Variants in OLFM3 observed in about 807,000 individuals in gnomAD.
OLFM3 encodes the protein olfactomedin 3.
Under a neutral mutation model 48.6 loss-of-function variants are expected in OLFM3, and 20 were observed. That is an observed-to-expected ratio of 0.41 (90% CI 0.29 to 0.60). OLFM3 has a LOEUF of 0.60. Ranked by LOEUF, OLFM3 falls within the 20% of genes least tolerant of loss-of-function variation. The pLI is 0.28. For synonymous variants in OLFM3, 222 were observed against 198.1 expected, an observed-to-expected ratio of 1.12 and a Z score of -1.01; for missense variants, 437 against 544.3, an observed-to-expected ratio of 0.80 and a Z score of 1.96.
At chr1:101,909,325 G>A (rs1658666951) in intron 1 of OLFM3, among the ~76,000 whole-genome samples, 2 of 152,212 alleles carry the variant, frequency 1.3e-5, no homozygotes, top group Admixed American at 6.5e-5. Context: ...ATTCACATGA[G>A]CAAAAACTCT....
chr1:101,902,482 A>C (rs552176598), intron 1 of OLFM3, among the ~76,000 whole-genome samples: 4 of 152,150 alleles, frequency 2.6e-5, no homozygotes, highest in African/African-American at 9.6e-5. Context: ...GGAACTAAGT[A>C]GTAGAGAGGG....
At chr1:101,832,305 T>C (rs1570536646) in intron 2 of OLFM3, among the ~76,000 whole-genome samples, 1 of 152,242 alleles carries the variant, frequency 6.6e-6, no homozygotes, top group Middle Eastern at 3.2e-3. Context: ...CACAAATTTT[T>C]GTCATCAGAT....
chr1:101,937,906 T>G (rs563983378), intron 1 of OLFM3, among the ~76,000 whole-genome samples: 21 of 152,304 alleles, frequency 1.4e-4, no homozygotes, highest in South Asian at 1.0e-3. Context: ...CTTGTTTACT[T>G]CCATATTGGT....
At chr1:101,828,046 G>GTCTCTCTCTC (rs1557691398) in intron 3 of OLFM3, among the ~76,000 whole-genome samples, 18 of 129,964 alleles carry the variant, frequency 1.4e-4, no homozygotes, top group African/African-American at 5.6e-4. Context: ...CTGTCTGTCT[G>GTCTCTCTCTC]TCTGTCTCTC....
At chr1:101,965,886 AT>A (rs1443020850) in intron 1 of OLFM3, among the ~76,000 whole-genome samples, 2 of 152,190 alleles carry the variant, frequency 1.3e-5, no homozygotes, top group African/African-American at 4.8e-5. Context: ...TTTTGGTTAT[AT>A]TTGGTAAATG....
At position 101,842,709 on chromosome 1, in the gene OLFM3, C is replaced by T. The variant is rs1462624777; in HGVS notation, c.70-5684G>A. Among the ~76,000 whole-genome samples, 3 of 152,144 alleles carry T rather than the reference C, an allele frequency of 2.0e-5. No individual in the cohort carries two copies. The East Asian group carries it at 5.8e-4, about 29-fold the overall frequency. ...TCCTTGTGTTTCCATTAGACCTCTG[C>T]ATGAAAGGGATTTCACTGCTTTACA... is the stretch of plus-strand genomic sequence containing the variant. On this transcript the variant is annotated intron_variant, in intron 1 of 5. Transcript: ENST00000370103.
intron 1 of OLFM3, among the ~76,000 whole-genome samples, chr1:101,894,329 A>T (rs1046831475): frequency 6.6e-6 from 1 of 152,180 alleles, no homozygotes; most frequent in African/African-American, 2.4e-5. Flanking sequence ...AGAAATACAA[A>T]GTGCTCTATT....
intron 5 of OLFM3, among the ~76,000 whole-genome samples, chr1:101,805,431 T>C (rs1445045575): frequency 6.6e-6 from 1 of 151,850 alleles, no homozygotes; most frequent in Non-Finnish European, 1.5e-5. Flanking sequence ...GAAACCATTT[T>C]ACTAACTTAA....
rs377610180 is a variant in OLFM3, at chr1:101,912,716, C to G, written c.70-75691G>C. 3.3e-5 allele frequency among the ~76,000 whole-genome samples: 5 copies of G among 152,268 alleles called. No homozygotes were observed. In the East Asian group the frequency reaches 5.8e-4, roughly 18 times the overall value. On this transcript the variant is annotated intron_variant, in intron 1 of 5. Transcript: ENST00000370103. Reference sequence around the variant, plus strand: ...TGATTTGGAGAATATCTAGATGATGCCTTCTACCTACAATCTCTTATGATA... The same window carrying G: ...TGATTTGGAGAATATCTAGATGATGGCTTCTACCTACAATCTCTTATGATA...
At chr1:101,905,212 A>G (rs1658512844) in intron 1 of OLFM3, among the ~76,000 whole-genome samples, 1 of 152,158 alleles carries the variant, frequency 6.6e-6, no homozygotes, top group Non-Finnish European at 1.5e-5. Context: ...TCCATATTGC[A>G]AAACTCTAAT....
chr1:101,812,223 A>G (rs1479543699), intron 4 of OLFM3, among the ~76,000 whole-genome samples: 1 of 152,134 alleles, frequency 6.6e-6, no homozygotes, highest in Non-Finnish European at 1.5e-5. Flanking sequence ...ATTAGGAGAT[A>G]TACCTAATGT....
At chr1:101,964,733 C>T (rs1424352964) in intron 1 of OLFM3, among the ~76,000 whole-genome samples, 1 of 152,146 alleles carries the variant, frequency 6.6e-6, no homozygotes, top group Admixed American at 6.5e-5. Context: ...AACAAGTGTT[C>T]ATTTAATTCT....
intron 1 of OLFM3, among the ~76,000 whole-genome samples, chr1:101,868,309 T>A (rs527988669): frequency 6.6e-6 from 1 of 152,156 alleles, no homozygotes; most frequent in Non-Finnish European, 1.5e-5. Context: ...CAGAGACTTG[T>A]TGAATGGCTT....
chr1:101,836,837 C>A, intron 2 of OLFM3, 42 bp downstream of exon 2: 1 of 1,593,818 alleles, frequency 6.3e-7, no homozygotes, highest in South Asian at 1.1e-5. Context: ...AAAGAATGGT[C>A]GATTTTACTA....
At chr1:101,940,962 G>A (rs1659775915) in intron 1 of OLFM3, among the ~76,000 whole-genome samples, 1 of 152,050 alleles carries the variant, frequency 6.6e-6, no homozygotes, top group African/African-American at 2.4e-5. Flanking sequence ...CTGTACTGGT[G>A]GATACATTTG....
At chr1:101,918,552 T>A (rs948147468) in intron 1 of OLFM3, among the ~76,000 whole-genome samples, 1 of 119,176 alleles carries the variant, frequency 8.4e-6, no homozygotes, top group Admixed American at 1.1e-4. Flanking sequence ...TCACTCTGAC[T>A]CTCCTTCCTC....
chr1:101,871,220 A>G (rs1162765184), intron 1 of OLFM3, among the ~76,000 whole-genome samples: 6 of 152,124 alleles, frequency 3.9e-5, no homozygotes, highest in African/African-American at 1.4e-4. Context: ...ACAGGAATGA[A>G]TATGTTTTAA....
At chr1:101,828,032 CTG>C (rs1479461174) in intron 3 of OLFM3, among the ~76,000 whole-genome samples, 12 of 72,822 alleles carry the variant, frequency 1.6e-4, no homozygotes, top group Non-Finnish European at 3.0e-4. Flanking sequence ...CTCTCTCTCT[CTG>C]TCTGTCTGTC....
At chr1:101,888,317 A>ACAGAAC (rs1349131605) in intron 1 of OLFM3, among the ~76,000 whole-genome samples, 1 of 152,286 alleles carries the variant, frequency 6.6e-6, no homozygotes, top group East Asian at 1.9e-4. Context: ...GACCAATGGA[A>ACAGAAC]CAGAACAGAG....
Sources: allele counts gnomAD v4.1 joint callset (sites outside exome capture counted in the v4.1 genomes callset), GRCh38; gene constraint gnomAD v4.1.1; transcripts MANE v1.5; gene names NCBI Gene and HGNC (gene_info 2026-07-23, HGNC 2026-07-21).